Variants in PARP8 observed in about 807,000 individuals in gnomAD.
PARP8 encodes poly(ADP-ribose) polymerase family member 8.
PARP8 carries 51 observed loss-of-function variants against 124.1 expected under a neutral mutation model. The ratio of observed to expected loss-of-function variants is 0.41; its 90% CI spans 0.33 to 0.52. The LOEUF is 0.52. PARP8 is among the 20% of genes least tolerant of loss of function. PARP8 has a pLI of 0.21. For missense variants in PARP8, 860 were observed against 1,018.9 expected (o/e 0.84, Z 2.12); for synonymous variants, 391 against 361.5 (o/e 1.08, Z -0.93).
At chr5:50,672,538 G>C (rs1750146696) in intron 2 of PARP8, among the ~76,000 whole-genome samples, 1 of 152,210 alleles carries the variant, frequency 6.6e-6, no homozygotes, top group Admixed American at 6.5e-5. Flanking sequence ...GCCTAGTCAA[G>C]TTATAAGTCC....
At chr5:50,832,571 G>A (rs565219244) in intron 22 of PARP8, among the ~76,000 whole-genome samples, 1 of 152,168 alleles carries the variant, frequency 6.6e-6, no homozygotes, top group South Asian at 2.1e-4. Context: ...TTCGATCCTT[G>A]CTTTCAATGC....
chr5:50,840,331 G>A (rs183074119), intron 25 of PARP8, among the ~76,000 whole-genome samples: 5 of 151,938 alleles, frequency 3.3e-5, no homozygotes. Context: ...TTAGATGAAT[G>A]ACAATGGAGG....
intron 25 of PARP8, among the ~76,000 whole-genome samples, chr5:50,837,720 T>C (rs1253085879): frequency 6.6e-6 from 1 of 151,396 alleles, no homozygotes; most frequent in East Asian, 1.9e-4. Context: ...AGAGAAAAAT[T>C]GGAGGGAAAT....
At chr5:50,689,691 C>T (rs62366945) in intron 2 of PARP8, among the ~76,000 whole-genome samples, 31,237 of 152,078 alleles carry the variant, frequency 0.21, 3,387 homozygotes, top group South Asian at 0.34. Context: ...TTCTATGACC[C>T]AGAAAATGTT....
At chr5:50,666,189 T>G (rs2112155225), upstream of PARP8, 1 of 152,090 alleles carries the variant, frequency 6.6e-6, no homozygotes, top group East Asian at 1.9e-4. Flanking sequence ...AAGGGGAGGG[T>G]GCACGTCTGG....
chr5:50,809,365 TTTACTCTGC>T (rs1316225431), intron 14 of PARP8, among the ~76,000 whole-genome samples: 1 of 152,042 alleles, frequency 6.6e-6, no homozygotes, highest in African/African-American at 2.4e-5. Context: ...GGAATTTATA[TTTACTCTGC>T]TTATTTCATT....
At chr5:50,687,580 A>G (rs1296696634) in intron 2 of PARP8, among the ~76,000 whole-genome samples, 2 of 152,142 alleles carry the variant, frequency 1.3e-5, no homozygotes, top group Non-Finnish European at 1.5e-5. Flanking sequence ...CTGTTGATAA[A>G]GTCCACCCCA....
At chr5:50,790,365 C>A (rs1741807605) in intron 10 of PARP8, among the ~76,000 whole-genome samples, 1 of 152,074 alleles carries the variant, frequency 6.6e-6, no homozygotes, top group African/African-American at 2.4e-5. Flanking sequence ...CTGCATTGTG[C>A]CCATATCCTG....
At chr5:50,794,703 A>T in intron 11 of PARP8, 150 bp from the exon 12 acceptor site, 1 of 745,830 alleles carries the variant, frequency 1.3e-6, no homozygotes, top group Non-Finnish European at 2.2e-6. Context: ...TTCTGCACAT[A>T]CCTTTGATTT....
In PARP8 at chr5:50,794,954, G is replaced by T; in HGVS notation, c.965G>T (p.Cys322Phe). 6.2e-7 allele frequency: 1 copy of T among 1,614,200 alleles called. No individual in the cohort carries two copies. ...SKTHKLLRRT[C>F]SSTVKTDDVC... is the part of the protein sequence containing the mutation. Reference sequence around the variant, plus strand: ...ACGCATAAGCTGCTGCGGAGGACTTGTTCCAGCACAGTCAAGACTGATGAT... The same window carrying T: ...ACGCATAAGCTGCTGCGGAGGACTTTTTCCAGCACAGTCAAGACTGATGAT... Residue 322 changes from cysteine to phenylalanine, a missense_variant, in exon 12 of 26, where the codon TGT becomes TTT. By Grantham distance (205) the Cys-to-Phe change is radical. Coordinates refer to ENST00000281631, the MANE Select transcript of PARP8 (RefSeq NM_024615.4).
At chr5:50,699,931 G>A (rs1753412859) in intron 2 of PARP8, among the ~76,000 whole-genome samples, 2 of 152,048 alleles carry the variant, frequency 1.3e-5, no homozygotes, top group African/African-American at 4.8e-5. Flanking sequence ...ATCACCCACT[G>A]GATGAGTAAA....
chr5:50,794,447 T>A, intron 11 of PARP8, 115 bp downstream of exon 11: 1 of 1,228,620 alleles, frequency 8.1e-7, no homozygotes, highest in East Asian at 2.5e-5. Context: ...TTATAACCTC[T>A]AAGAAAAGAC....
At chr5:50,779,453 C>T (rs1740418339) in intron 9 of PARP8, among the ~76,000 whole-genome samples, 1 of 152,146 alleles carries the variant, frequency 6.6e-6, no homozygotes, top group Non-Finnish European at 1.5e-5. Context: ...AAATGGCTAG[C>T]AGTTGATGCA....
At chr5:50,668,327 G>A in intron 2 of PARP8, 1 of 595,032 alleles carries the variant, frequency 1.7e-6, no homozygotes, top group South Asian at 1.9e-5. Context: ...GTGTTTCGAG[G>A]ACCACGCCAC....
At chr5:50,765,567 A>T (rs1561348513) in intron 7 of PARP8, among the ~76,000 whole-genome samples, 1 of 152,150 alleles carries the variant, frequency 6.6e-6, no homozygotes, top group Admixed American at 6.5e-5. Context: ...AGTGTTTTGA[A>T]TTTTTTCCCC....
chr5:50,828,399 T>A lies in PARP8; in HGVS notation c.2163+15T>A. 1 of 1,601,628 alleles carries A rather than the reference T, an allele frequency of 6.2e-7. No homozygotes were observed. Among genetic ancestry groups the A allele is most frequent in the Non-Finnish European group, 8.6e-7 (1 of 1,169,182 alleles). ...CACGATTGCAGGTAGATTTTCTGAA[T>A]GCTTTCACAAGACTTCATTCTTCTT... On this transcript the variant is annotated intron_variant, in intron 21 of 25. Coordinates refer to ENST00000281631, the MANE Select transcript of PARP8 (RefSeq NM_024615.4).
intron 25 of PARP8, among the ~76,000 whole-genome samples, chr5:50,836,438 C>T (rs1394454367): frequency 5.9e-5 from 9 of 152,104 alleles, no homozygotes; most frequent in Admixed American, 3.3e-4. Context: ...ATAAGGAAAC[C>T]GCAAGTCCAG....
Position 50,731,179 on chromosome 5 carries a change from A to G in PARP8, c.147-18972A>G, listed in dbSNP as rs1418275008. Among the ~76,000 whole-genome samples, 3 of 152,226 alleles carry G rather than the reference A, an allele frequency of 2.0e-5. No individual in the cohort carries two copies. In the East Asian group the frequency reaches 5.8e-4, roughly 29 times the overall value. On this transcript the variant is annotated intron_variant, in intron 2 of 25. Transcript: ENST00000281631. ...TCATCTGTAAAATAAGGGATGTGCA[A>G]CTGGGTGATTTCTGACTTCTGTTCC...
Position 50,828,729 on chromosome 5 carries a change from T to TTTTATATA in PARP8, c.2163+346_2163+347insTTATATAT, listed in dbSNP as rs371956842. Among the ~76,000 whole-genome samples the TTTTATATA allele has an allele frequency of 2.7e-5, 4 of 146,058 alleles. No individual in the cohort carries two copies. In the South Asian group the frequency reaches 8.6e-4, roughly 32 times the overall value. ...ACCCTGTCTCTATTAAAAATACAAA[T>TTTTATATA]TATATATATATATATATATTTATCC... On this transcript the variant is annotated intron_variant, in intron 21 of 25. Coordinates refer to ENST00000281631, the MANE Select transcript of PARP8 (RefSeq NM_024615.4).
Sources: allele counts gnomAD v4.1 joint callset (sites outside exome capture counted in the v4.1 genomes callset), GRCh38; gene constraint gnomAD v4.1.1; transcripts MANE v1.5; gene names NCBI Gene and HGNC (gene_info 2026-07-23, HGNC 2026-07-21).